The following PDHX variants were observed in gnomAD, a reference collection of about 807,000 sequenced individuals.
PDHX encodes the protein pyruvate dehydrogenase protein X component, mitochondrial.
A neutral mutation model predicts 55.3 loss-of-function variants in PDHX; 33 were observed. The ratio of observed to expected loss-of-function variants is 0.60; its 90% CI spans 0.45 to 0.80. The LOEUF (loss-of-function observed/expected upper bound fraction) is 0.80. PDHX is among the 30% of genes least tolerant of loss of function. The probability of loss-of-function intolerance (pLI) is 0.00; values close to 1 mark genes in which losing one functional copy is unlikely to be tolerated. For missense variants in PDHX, 622 were observed against 619.9 expected (o/e 1.00, Z -0.04); for synonymous variants, 226 against 219.4 (o/e 1.03, Z -0.27).
intron 3 of PDHX, among the ~76,000 whole-genome samples, chr11:34,949,991 T>G (rs564513720): frequency 1.3e-5 from 2 of 152,318 alleles, no homozygotes; most frequent in African/African-American, 4.8e-5. Context: ...ATCTGAATAC[T>G]AAAAATAGCA....
rs556044915 is a variant in PDHX, at chr11:34,950,646, A to G, written c.342+3040A>G. ...CGGTGTTTGGTTTTTTGTCCTTGTG[A>G]TAGTTTACTGAGAATGATGATTTCC... On this transcript the variant is annotated intron_variant, in intron 3 of 10. Coordinates refer to ENST00000227868, the MANE Select transcript of PDHX (RefSeq NM_003477.3). Among the ~76,000 whole-genome samples the G allele has an allele frequency of 3.8e-3, 580 of 150,984 alleles. 4 individuals are homozygous for G. Among genetic ancestry groups the G allele is most frequent in the Admixed American group, 9.5e-3 (144 of 15,092 alleles).
At chr11:34,953,293 T>C (rs1457643870) in intron 3 of PDHX, among the ~76,000 whole-genome samples, 1 of 152,088 alleles carries the variant, frequency 6.6e-6, no homozygotes, top group Non-Finnish European at 1.5e-5. Context: ...TTCAATGCCA[T>C]CCCCATCAAG....
Position 34,960,454 on chromosome 11 carries a change from GA to G in PDHX, c.582del (p.Lys194AsnfsTer29). The G allele has an allele frequency of 6.2e-7, 1 of 1,613,396 alleles. No individual in the cohort carries two copies. Among genetic ancestry groups the G allele is most frequent in the Non-Finnish European group, 8.5e-7 (1 of 1,179,618 alleles). On this transcript the variant is annotated frameshift_variant, in exon 5 of 11. Coordinates refer to ENST00000227868, the MANE Select transcript of PDHX (RefSeq NM_003477.3). LOFTEE classifies it high-confidence loss of function. ...RLSPAARNIL[E>X]KHSLDASQGT... ...AAGTCCAGCTGCCCGCAATATTCTG[GA>G]AAAACACTCACTGGATGCTAGCCAG...
intron 8 of PDHX, among the ~76,000 whole-genome samples, chr11:34,980,366 T>TTTTTTTTTTTTTA (rs1855483460): frequency 2.1e-5 from 3 of 143,036 alleles, no homozygotes; most frequent in African/African-American, 2.5e-5. Flanking sequence ...TTTTTTTTTT[T>TTTTTTTTTTTTTA]GAGCAGCAGC....
chr11:34,995,426 G>C lies in PDHX; in HGVS notation c.*254G>C. On this transcript the variant is annotated 3_prime_UTR_variant, in exon 11 of 11. Coordinates refer to ENST00000227868, the MANE Select transcript of PDHX (RefSeq NM_003477.3). ...TACTCAGATCCATTTTTAACCTCTG[G>C]TGCTGTATAAAGGGAATATTAAACT... is the stretch of plus-strand genomic sequence containing the variant. 1 of 452,682 alleles carries C rather than the reference G, an allele frequency of 2.2e-6. No homozygotes were observed. Among genetic ancestry groups the C allele is most frequent in the Non-Finnish European group, 4.1e-6 (1 of 245,890 alleles). The allele number at this position is 452,682 out of a possible 1,614,324, so 28.0% of individuals were successfully genotyped here.
chr11:34,985,610 T>G (rs1400268624), intron 9 of PDHX, among the ~76,000 whole-genome samples: 16 of 152,218 alleles, frequency 1.1e-4, no homozygotes, highest in Admixed American at 1.0e-3. Flanking sequence ...CCTCAGTAAT[T>G]TCCAAGGGTA....
chr11:34,921,428 A>G (rs1853875735), intron 1 of PDHX, among the ~76,000 whole-genome samples: 1 of 84,760 alleles, frequency 1.2e-5, no homozygotes, highest in Non-Finnish European at 2.5e-5. Flanking sequence ...CTCCTTTCAA[A>G]TTCCTTGAAT....
chr11:34,991,307 C>T (rs1855753114), intron 9 of PDHX, among the ~76,000 whole-genome samples: 1 of 152,112 alleles, frequency 6.6e-6, no homozygotes, highest in Admixed American at 6.6e-5. Flanking sequence ...ACTATAATTC[C>T]ACTTCTGAAA....
At chr11:34,954,200 A>G (rs1435642688) in intron 3 of PDHX, among the ~76,000 whole-genome samples, 1 of 152,242 alleles carries the variant, frequency 6.6e-6, no homozygotes. Flanking sequence ...GTAGCTTTCA[A>G]ACTGCTCTAT....
In PDHX at chr11:34,995,586, G is replaced by A. The variant is rs1296915851; in HGVS notation, c.*414G>A. ...TGAAGGTAGAAGTGATCTTCAAAGAGATGGCCATTAACTTAGCAGTGGGAC... is the reference window on the plus strand; with the variant it reads ...TGAAGGTAGAAGTGATCTTCAAAGAAATGGCCATTAACTTAGCAGTGGGAC... On this transcript the variant is annotated 3_prime_UTR_variant, in exon 11 of 11. Coordinates refer to ENST00000227868, the MANE Select transcript of PDHX (RefSeq NM_003477.3). 7 of 254,512 alleles carry A rather than the reference G, an allele frequency of 2.8e-5. No individual in the cohort carries two copies. The highest frequency in any genetic ancestry group is 3.9e-5 in the Non-Finnish European group (5 of 129,642). 15.8% of individuals were successfully genotyped at this position (254,512 alleles called of 1,614,324 possible). A position where few individuals can be genotyped will look rare whatever the true frequency, so the allele number is the denominator to read the frequency against.
intron 1 of PDHX, among the ~76,000 whole-genome samples, chr11:34,930,051 C>T (rs1361011824): frequency 6.6e-6 from 1 of 152,244 alleles, no homozygotes; most frequent in African/African-American, 2.4e-5. Context: ...GAATTGCTGC[C>T]TCATACCTGG....
chr11:34,989,246 TTTGTC>T, intron 9 of PDHX, among the ~76,000 whole-genome samples: 1 of 152,352 alleles, frequency 6.6e-6, no homozygotes, highest in South Asian at 2.1e-4. Context: ...TATTTATGTC[TTTGTC>T]TTAAGTGTCC....
At chr11:34,994,333 G>T (rs1414351706) in intron 10 of PDHX, among the ~76,000 whole-genome samples, 1 of 152,166 alleles carries the variant, frequency 6.6e-6, no homozygotes, top group Non-Finnish European at 1.5e-5. Flanking sequence ...TTTTTAAAAT[G>T]TACAGTAAAA....
At chr11:34,977,419 T>C (rs1402760789) in intron 7 of PDHX, among the ~76,000 whole-genome samples, 6 of 152,152 alleles carry the variant, frequency 3.9e-5, no homozygotes, top group African/African-American at 1.4e-4. Flanking sequence ...AAAATCATTA[T>C]GTATACTGGA....
intron 3 of PDHX, among the ~76,000 whole-genome samples, chr11:34,955,795 A>G (rs1018177690): frequency 2.5e-4 from 29 of 117,016 alleles, no homozygotes; most frequent in South Asian, 2.9e-4. Flanking sequence ...ATCTATTGAT[A>G]TTTTTAAAGC....
At chr11:34,928,371 C>CTT (rs56697214) in intron 1 of PDHX, among the ~76,000 whole-genome samples, 24 of 140,262 alleles carry the variant, frequency 1.7e-4, no homozygotes, top group African/African-American at 3.6e-4. Flanking sequence ...CACATTGGGA[C>CTT]TTTTTTTTTT....
At chr11:34,939,886 C>T (rs1409011129) in intron 2 of PDHX, among the ~76,000 whole-genome samples, 7 of 151,982 alleles carry the variant, frequency 4.6e-5, no homozygotes, top group African/African-American at 1.7e-4. Flanking sequence ...CTAGGTAACA[C>T]CCACAATTTC....
At chr11:34,968,060 A>G (rs1855172732) in intron 6 of PDHX, among the ~76,000 whole-genome samples, 1 of 152,054 alleles carries the variant, frequency 6.6e-6, no homozygotes, top group African/African-American at 2.4e-5. Context: ...GCCTGCACCT[A>G]GGCATTCAAA....
intron 2 of PDHX, among the ~76,000 whole-genome samples, chr11:34,941,215 A>T (rs1196347533): frequency 6.6e-6 from 1 of 152,146 alleles, no homozygotes; most frequent in African/African-American, 2.4e-5. Flanking sequence ...TTGGCCATGC[A>T]AATATTATCC....
Sources: allele counts gnomAD v4.1 joint callset (sites outside exome capture counted in the v4.1 genomes callset), GRCh38; gene constraint gnomAD v4.1.1; transcripts MANE v1.5; gene names NCBI Gene and HGNC (gene_info 2026-07-23, HGNC 2026-07-21).